Variants in FBXO25 observed in about 807,000 individuals in gnomAD.
The protein encoded by FBXO25 is F-box only protein 25.
In FBXO25, 45 loss-of-function variants were observed where a neutral mutation model predicts 51.9. That is an observed-to-expected ratio of 0.87 (90% CI 0.68 to 1.11). The LOEUF (loss-of-function observed/expected upper bound fraction) is 1.11, where lower values mean the gene tolerates loss of function less well. Ranked by LOEUF, FBXO25 falls within the 50% of genes most tolerant of loss-of-function variation. The pLI is 0.00. For missense variants in FBXO25, 507 were observed against 428.5 expected, an observed-to-expected ratio of 1.18 and a Z score of -1.62; for synonymous variants, 199 against 151.0, an observed-to-expected ratio of 1.32 and a Z score of -2.33.
At chr8:422,901 G>T (rs1159123307) in intron 2 of FBXO25, among the ~76,000 whole-genome samples, 2 of 152,102 alleles carry the variant, frequency 1.3e-5, no homozygotes, top group African/African-American at 4.8e-5. Context: ...GAGGTACACA[G>T]GTCAGGACTC....
At chr8:421,459 A>C (rs548726248) in intron 2 of FBXO25, among the ~76,000 whole-genome samples, 104 of 152,320 alleles carry the variant, frequency 6.8e-4, no homozygotes, top group African/African-American at 2.1e-3. Context: ...TGGTTAGTGC[A>C]CTTGTTTCTC....
intron 8 of FBXO25, among the ~76,000 whole-genome samples, chr8:458,945 C>CA (rs1455535592): frequency 6.6e-6 from 1 of 152,172 alleles, no homozygotes; most frequent in Admixed American, 6.5e-5. Context: ...CTCAGTCTCT[C>CA]AGCACTCGGT....
At chr8:441,383 C>G (rs1445117212) in intron 5 of FBXO25, among the ~76,000 whole-genome samples, 4 of 152,184 alleles carry the variant, frequency 2.6e-5, no homozygotes, top group Admixed American at 6.5e-5. Context: ...GGATTAAAGA[C>G]TTAAACATAA....
chr8:445,637 G>C (rs1798691615), intron 5 of FBXO25, among the ~76,000 whole-genome samples: 1 of 152,222 alleles, frequency 6.6e-6, no homozygotes, highest in South Asian at 2.1e-4. Context: ...CGGATCACCT[G>C]AGATCAGGAG....
At chr8:417,266 C>G (rs1302663416) in intron 2 of FBXO25, among the ~76,000 whole-genome samples, 1 of 152,172 alleles carries the variant, frequency 6.6e-6, no homozygotes, top group African/African-American at 2.4e-5. Context: ...GTGATTTGTT[C>G]AGGCCTATGC....
chr8:468,919 G>A lies in FBXO25; in HGVS notation c.*115G>A. The A allele has an allele frequency of 8.3e-6, 8 of 966,256 alleles. No homozygotes were observed. The highest frequency in any genetic ancestry group is 1.2e-5 in the Non-Finnish European group (8 of 672,694). The allele number at this position is 966,256 out of a possible 1,614,324, so 59.9% of individuals were successfully genotyped here. On this transcript the variant is annotated 3_prime_UTR_variant, in exon 10 of 10. Coordinates refer to ENST00000350302, the MANE Select transcript of FBXO25 (RefSeq NM_183420.2). Reference sequence around the variant, plus strand: ...CCTCGGAAGCCCCTGCTTCCAGAAAGCCTGGGAAGAACTGCCCTTCTGCAA... The same window carrying A: ...CCTCGGAAGCCCCTGCTTCCAGAAAACCTGGGAAGAACTGCCCTTCTGCAA...
chr8:441,656 TAAAC>T (rs1186032774), intron 5 of FBXO25, among the ~76,000 whole-genome samples: 1 of 152,152 alleles, frequency 6.6e-6, no homozygotes, highest in African/African-American at 2.4e-5. Context: ...ACAAAGAACT[TAAAC>T]AAATTTACAA....
chr8:464,846 T>C (rs2116839152), intron 9 of FBXO25, among the ~76,000 whole-genome samples: 1 of 152,352 alleles, frequency 6.6e-6, no homozygotes, highest in African/African-American at 2.4e-5. Context: ...TGGTATGACT[T>C]CTCTCTTTCC....
intron 4 of FBXO25, among the ~76,000 whole-genome samples, chr8:434,179 C>T (rs1797972238): frequency 6.6e-6 from 1 of 152,144 alleles, no homozygotes. Flanking sequence ...TGTCTCCATA[C>T]CCTCACCTGG....
In FBXO25 at chr8:468,759, C is replaced by T. The variant is rs749168036; in HGVS notation, c.1032C>T (p.Phe344=). The stretch of plus-strand genomic sequence containing the variant: ...CGGCGGCCGACCCTGACAGCTGCTT[C>T]ACGCCTGTGTCTCCGCAGCACTTCA... ...PCTAADPDSC[F]TPVSPQHFID... The change falls in exon 10 of 10, where the codon TTC becomes TTT. Residue 344 remains phenylalanine (F), a synonymous_variant. Coordinates refer to ENST00000350302, the MANE Select transcript of FBXO25 (RefSeq NM_183420.2). 5.6e-6 allele frequency: 9 copies of T among 1,614,062 alleles called. No homozygotes were observed. In the South Asian group the frequency reaches 9.9e-5, roughly 18 times the overall value.
chr8:441,268 G>A (rs1034988807), intron 5 of FBXO25, among the ~76,000 whole-genome samples: 1 of 152,140 alleles, frequency 6.6e-6, no homozygotes, highest in African/African-American at 2.4e-5. Context: ...AATGGCTAAA[G>A]GATTCCCTAT....
At position 474,426 on chromosome 8, in the gene FBXO25, C is replaced by T. The variant is rs796511798; in HGVS notation, c.*5622C>T. 45 of 292,412 alleles carry T rather than the reference C, an allele frequency of 1.5e-4. No individual in the cohort carries two copies. Among genetic ancestry groups the T allele is most frequent in the African/African-American group, 9.3e-4 (41 of 44,134 alleles). The allele number at this position is 292,412 out of a possible 1,614,324, so 18.1% of individuals were successfully genotyped here. On this transcript the variant is annotated 3_prime_UTR_variant, in exon 10 of 10. Coordinates refer to ENST00000350302, the MANE Select transcript of FBXO25 (RefSeq NM_183420.2). ...GGGTGTGCAAATATCTGAGTCTCTGCTTTCAATCATATGGCAATCCTATGT... is the reference window on the plus strand; with the variant it reads ...GGGTGTGCAAATATCTGAGTCTCTGTTTTCAATCATATGGCAATCCTATGT...
intron 9 of FBXO25, among the ~76,000 whole-genome samples, chr8:464,764 T>G (rs1267019570): frequency 6.6e-6 from 1 of 152,238 alleles, no homozygotes; most frequent in African/African-American, 2.4e-5. Context: ...AATAGTTTTA[T>G]TTGGTATATC....
Position 470,351 on chromosome 8 carries a change from AAAT to A in FBXO25, c.*1548_*1550del, listed in dbSNP as rs1032388791. The A allele has an allele frequency of 6.6e-6, 1 of 152,108 alleles. No individual in the cohort carries two copies. Among genetic ancestry groups the A allele is most frequent in the Non-Finnish European group, 1.5e-5 (1 of 68,058 alleles). The allele number at this position is 152,108 out of a possible 1,614,324, so 9.4% of individuals were successfully genotyped here. On this transcript the variant is annotated 3_prime_UTR_variant, in exon 10 of 10. Coordinates refer to ENST00000350302, the MANE Select transcript of FBXO25 (RefSeq NM_183420.2). ...ATATTTCTAGATTGTTCATGAAAAA[AAAT>A]TTTTTTGGAGTTTGTTTTTGAGACA...
chr8:407,284 C>G, intron 1 of FBXO25: 2 of 930,094 alleles, frequency 2.2e-6, no homozygotes, highest in African/African-American at 1.9e-5. Flanking sequence ...GACCGGGGGC[C>G]TCGGGCGCGT....
chr8:441,248 A>G (rs1798408463), intron 5 of FBXO25, among the ~76,000 whole-genome samples: 1 of 152,220 alleles, frequency 6.6e-6, no homozygotes, highest in Non-Finnish European at 1.5e-5. Context: ...CAAACCTGAC[A>G]AAAACAAGCA....
chr8:451,789 A>C (rs2241989), intron 7 of FBXO25, among the ~76,000 whole-genome samples: 27,464 of 152,102 alleles, frequency 0.18, 2,805 homozygotes, highest in African/African-American at 0.27. Flanking sequence ...GTAATTCTCT[A>C]TTTATTTAGT....
At chr8:429,040 C>A (rs575828303) in intron 2 of FBXO25, among the ~76,000 whole-genome samples, 2 of 149,796 alleles carry the variant, frequency 1.3e-5, no homozygotes, top group East Asian at 3.9e-4. Flanking sequence ...GCTTTCAGTT[C>A]TTTTGAATAT....
chr8:449,095 T>C (rs1798913784), intron 5 of FBXO25, among the ~76,000 whole-genome samples: 1 of 152,116 alleles, frequency 6.6e-6, no homozygotes, highest in Admixed American at 6.5e-5. Flanking sequence ...AGTAAAAGAT[T>C]TCAGATTGAA....
Sources: allele counts gnomAD v4.1 joint callset (sites outside exome capture counted in the v4.1 genomes callset), GRCh38; gene constraint gnomAD v4.1.1; transcripts MANE v1.5; gene names NCBI Gene and HGNC (gene_info 2026-07-23, HGNC 2026-07-21).